The following SCD5 variants were observed in gnomAD, a reference collection of about 807,000 sequenced individuals.
The protein encoded by SCD5 is acyl-CoA-desaturase 4.
A neutral mutation model predicts 30.4 loss-of-function variants in SCD5; 20 were observed. The ratio of observed to expected loss-of-function variants is 0.66; its 90% CI spans 0.46 to 0.96. The LOEUF (loss-of-function observed/expected upper bound fraction) is 0.96. SCD5 is among the 40% of genes least tolerant of loss of function. The pLI is 0.00. For synonymous variants in SCD5, 173 were observed against 176.4 expected (o/e 0.98, Z 0.16); for missense variants, 381 against 443.3 (o/e 0.86, Z 1.26).
At chr4:82,754,813 T>TGAGG (rs2148843852) in intron 1 of SCD5, among the ~76,000 whole-genome samples, 1 of 152,278 alleles carries the variant, frequency 6.6e-6, no homozygotes, top group East Asian at 1.9e-4. Flanking sequence ...AACACTGGGA[T>TGAGG]CTGTGAGGCT....
chr4:82,737,148 T>C (rs1009743211), intron 1 of SCD5, among the ~76,000 whole-genome samples: 1 of 152,200 alleles, frequency 6.6e-6, no homozygotes, highest in Non-Finnish European at 1.5e-5. Flanking sequence ...TGTATGAGGG[T>C]ATAACTTTCT....
chr4:82,720,441 T>TCCAAA (rs1553917691), intron 1 of SCD5, among the ~76,000 whole-genome samples: 6 of 77,938 alleles, frequency 7.7e-5, no homozygotes, highest in Non-Finnish European at 1.4e-4. Flanking sequence ...AAGGCAAAAA[T>TCCAAA]AAAAAAAAAA....
In SCD5 at chr4:82,689,673, A is replaced by C. The variant is rs545352757; in HGVS notation, c.364-8761T>G. On this transcript the variant is annotated intron_variant, in intron 2 of 4. Transcript: ENST00000319540. The stretch of plus-strand genomic sequence containing the variant: ...CAATGTTTGCTAAAACTATTGGGTA[A>C]AAGTTTGATGAAGATAAAATATTCA... 1.0e-3 allele frequency among the ~76,000 whole-genome samples: 154 copies of C among 152,376 alleles called. 2 individuals carry two copies. The highest frequency in any genetic ancestry group is 3.4e-3 in the African/African-American group (141 of 41,590).
chr4:82,750,237 C>A (rs963144599), intron 1 of SCD5, among the ~76,000 whole-genome samples: 1 of 152,180 alleles, frequency 6.6e-6, no homozygotes, highest in Non-Finnish European at 1.5e-5. Flanking sequence ...AGGGCCGGGG[C>A]ACTTACAGAC....
intron 1 of SCD5, among the ~76,000 whole-genome samples, chr4:82,736,334 C>T (rs914860916): frequency 3.3e-5 from 5 of 151,880 alleles, no homozygotes; most frequent in African/African-American, 9.7e-5. Context: ...CTCAGCCAGG[C>T]GCAGTGGCTC....
At chr4:82,682,407 A>T (rs890958333) in intron 2 of SCD5, among the ~76,000 whole-genome samples, 4 of 151,924 alleles carry the variant, frequency 2.6e-5, no homozygotes, top group African/African-American at 9.6e-5. Context: ...ATTTTTTTTT[A>T]AATCTGATGA....
intron 1 of SCD5, among the ~76,000 whole-genome samples, chr4:82,726,041 C>A (rs1720462065): frequency 6.6e-6 from 1 of 152,116 alleles, no homozygotes; most frequent in East Asian, 1.9e-4. Context: ...TCTGTGTCAG[C>A]CCAGTGGAGA....
chr4:82,712,743 G>A (rs991612592), intron 1 of SCD5, among the ~76,000 whole-genome samples: 10 of 152,258 alleles, frequency 6.6e-5, no homozygotes, highest in South Asian at 4.1e-4. Context: ...GTGTGCATGC[G>A]CACATGTGTG....
chr4:82,726,458 C>A (rs1720472668), intron 1 of SCD5, among the ~76,000 whole-genome samples: 1 of 148,668 alleles, frequency 6.7e-6, no homozygotes, highest in Non-Finnish European at 1.5e-5. Flanking sequence ...ATTTTTACAG[C>A]AAGGTTAATC....
chr4:82,661,883 C>A (rs1728016961), intron 3 of SCD5, among the ~76,000 whole-genome samples: 1 of 152,152 alleles, frequency 6.6e-6, no homozygotes, highest in Non-Finnish European at 1.5e-5. Flanking sequence ...TACCTAGACA[C>A]CAGATTTTGT....
intron 1 of SCD5, among the ~76,000 whole-genome samples, chr4:82,788,500 C>T (rs1355180897): frequency 1.3e-5 from 2 of 152,204 alleles, no homozygotes; most frequent in African/African-American, 2.4e-5. Context: ...AAGCAATTCT[C>T]GTGCTTTAGC....
intron 3 of SCD5, among the ~76,000 whole-genome samples, chr4:82,679,881 C>T (rs1177940624): frequency 1.3e-5 from 2 of 152,204 alleles, no homozygotes. Flanking sequence ...TCAGATGACT[C>T]CTACCCATCA....
At chr4:82,662,978 T>G (rs1351781241) in intron 3 of SCD5, among the ~76,000 whole-genome samples, 1 of 152,182 alleles carries the variant, frequency 6.6e-6, no homozygotes, top group Non-Finnish European at 1.5e-5. Flanking sequence ...TTTACAGTAT[T>G]CTGTTAGATG....
chr4:82,770,131 C>T (rs920290964), intron 1 of SCD5, among the ~76,000 whole-genome samples: 1 of 152,036 alleles, frequency 6.6e-6, no homozygotes, highest in Non-Finnish European at 1.5e-5. Flanking sequence ...GTGTGCTGCA[C>T]CCATTAACTC....
intron 1 of SCD5, among the ~76,000 whole-genome samples, chr4:82,779,077 C>T (rs1333942087): frequency 1.3e-5 from 2 of 152,060 alleles, no homozygotes; most frequent in East Asian, 3.9e-4. Flanking sequence ...GTTGGTCAGG[C>T]TGGTCTCGAA....
rs552104722 is a variant in SCD5, at chr4:82,690,259, C to T, written c.364-9347G>A. ...CCAAATGATTCATAAAAAAAGAACACGTAAGAATGCACATGCATGTACAGA... is the reference window on the plus strand; with the variant it reads ...CCAAATGATTCATAAAAAAAGAACATGTAAGAATGCACATGCATGTACAGA... On this transcript the variant is annotated intron_variant, in intron 2 of 4. Coordinates refer to ENST00000319540, the MANE Select transcript of SCD5 (RefSeq NM_001037582.3). Among the ~76,000 whole-genome samples the T allele has an allele frequency of 4.6e-4, 70 of 152,164 alleles. 2 individuals are homozygous for T. Among genetic ancestry groups the T allele is most frequent in the Admixed American group, 3.9e-3 (59 of 15,276 alleles).
At chr4:82,763,666 G>A (rs1721426354) in intron 1 of SCD5, among the ~76,000 whole-genome samples, 2 of 152,256 alleles carry the variant, frequency 1.3e-5, no homozygotes, top group African/African-American at 4.8e-5. Context: ...ACCACGTGAA[G>A]CGGCAGGAAG....
intron 3 of SCD5, among the ~76,000 whole-genome samples, chr4:82,653,918 A>T (rs936797843): frequency 2.7e-5 from 4 of 146,708 alleles, no homozygotes; most frequent in African/African-American, 7.5e-5. Flanking sequence ...GTCAATGAGT[A>T]TTTTTTTTTT....
Position 82,680,696 on chromosome 4 carries a change from C to T in SCD5, c.569+11G>A. 6.2e-7 allele frequency: 1 copy of T among 1,613,796 alleles called. No individual in the cohort carries two copies. Among genetic ancestry groups the T allele is most frequent in the South Asian group, 1.1e-5 (1 of 91,054 alleles). ...CTGAGGGACAGCTCTCCGTCATGCC[C>T]ATTCACTTACTTTCTCTGGATCCGG... On this transcript the variant is annotated intron_variant, in intron 3 of 4. Transcript: ENST00000319540.
Sources: allele counts gnomAD v4.1 joint callset (sites outside exome capture counted in the v4.1 genomes callset), GRCh38; gene constraint gnomAD v4.1.1; transcripts MANE v1.5; gene names NCBI Gene and HGNC (gene_info 2026-07-23, HGNC 2026-07-21).